The following PRKCQ variants were observed in gnomAD, a reference collection of about 807,000 sequenced individuals.
PRKCQ encodes the protein protein kinase C theta.
Under a neutral mutation model 91.2 loss-of-function variants are expected in PRKCQ, and 41 were observed. That is an observed-to-expected ratio of 0.45 (90% CI 0.35 to 0.58). The LOEUF (loss-of-function observed/expected upper bound fraction) is 0.58, where lower values mean the gene tolerates loss of function less well. Among genes scored for constraint, PRKCQ ranks in the 20% least tolerant of loss-of-function variants. The pLI is 0.00. For missense variants in PRKCQ, 673 were observed against 896.5 expected (o/e 0.75, Z 3.18); for synonymous variants, 307 against 316.9 (o/e 0.97, Z 0.33).
intron 11 of PRKCQ, among the ~76,000 whole-genome samples, chr10:6,481,152 G>T (rs1238316052): frequency 6.6e-6 from 1 of 152,178 alleles, no homozygotes; most frequent in Non-Finnish European, 1.5e-5. Flanking sequence ...AGACAGCTTT[G>T]GACATGGAGT....
chr10:6,445,916 G>A lies in PRKCQ; in HGVS notation c.1648-3835C>T, dbSNP rs1834262687. On this transcript the variant is annotated intron_variant, in intron 15 of 17. Coordinates refer to ENST00000263125, the MANE Select transcript of PRKCQ (RefSeq NM_006257.5). ...AAACGTCTCTGAACCACATATCTTT[G>A]TAAACAACTTCGTTTTGGCAGGACA... Among the ~76,000 whole-genome samples, 3 of 152,210 alleles carry A rather than the reference G, an allele frequency of 2.0e-5. No homozygotes were observed. In the East Asian group the frequency reaches 5.8e-4, roughly 29 times the overall value.
At chr10:6,569,929 A>G (rs997133093) in intron 1 of PRKCQ, among the ~76,000 whole-genome samples, 3 of 152,150 alleles carry the variant, frequency 2.0e-5, no homozygotes, top group African/African-American at 7.2e-5. Context: ...ACTGGGTCAC[A>G]GTCAGCGAGG....
intron 1 of PRKCQ, among the ~76,000 whole-genome samples, chr10:6,544,587 C>T (rs1001824655): frequency 1.8e-4 from 28 of 151,982 alleles, no homozygotes; most frequent in African/African-American, 6.3e-4. Context: ...TGTTTAACCT[C>T]CTCTCTCGCC....
intron 4 of PRKCQ, among the ~76,000 whole-genome samples, chr10:6,503,092 G>A (rs140143993): frequency 5.6e-4 from 86 of 152,314 alleles, no homozygotes; most frequent in Middle Eastern, 3.4e-3. Context: ...ACTATCCATG[G>A]CAAAGGGGAA....
the PRKCQ span, among the ~76,000 whole-genome samples, chr10:6,400,365 G>A: frequency 6.6e-6 from 1 of 152,228 alleles, no homozygotes; most frequent in Non-Finnish European, 1.5e-5. Context: ...TGGAAGACTT[G>A]GAAGACAGCA....
At chr10:6,565,572 T>G (rs1840810574) in intron 1 of PRKCQ, among the ~76,000 whole-genome samples, 1 of 152,210 alleles carries the variant, frequency 6.6e-6, no homozygotes. Flanking sequence ...GAAATTGCAT[T>G]TATTTTATTT....
intron 16 of PRKCQ, among the ~76,000 whole-genome samples, chr10:6,441,598 C>T (rs1381311992): frequency 6.6e-6 from 1 of 152,138 alleles, no homozygotes; most frequent in African/African-American, 2.4e-5. Context: ...ACACACTGTG[C>T]TTGTTTAATG....
chr10:6,464,186 T>G, intron 13 of PRKCQ, 127 bp downstream of exon 13: 1 of 797,330 alleles, frequency 1.3e-6, no homozygotes. Flanking sequence ...GTCGCCTTGC[T>G]CGATGTATTC....
intron 1 of PRKCQ, among the ~76,000 whole-genome samples, chr10:6,542,993 C>T (rs1839825824): frequency 1.3e-5 from 2 of 152,212 alleles, no homozygotes; most frequent in South Asian, 2.1e-4. Flanking sequence ...ACTGCCATCA[C>T]GTCCTTTCCC....
chr10:6,416,288 A>G, the PRKCQ span, among the ~76,000 whole-genome samples: 410 of 151,698 alleles, frequency 2.7e-3, 1 homozygote, highest in African/African-American at 9.5e-3. Flanking sequence ...TTTAGCGGTG[A>G]TTTCTGAGAT....
intron 1 of PRKCQ, among the ~76,000 whole-genome samples, chr10:6,558,597 A>G (rs1005733274): frequency 6.6e-6 from 1 of 152,208 alleles, no homozygotes; most frequent in Admixed American, 6.5e-5. Flanking sequence ...CTGAGAAGTG[A>G]CTTCGGTCCA....
chr10:6,508,489 T>C (rs770353776), intron 3 of PRKCQ, among the ~76,000 whole-genome samples: 20 of 152,250 alleles, frequency 1.3e-4, no homozygotes, highest in Non-Finnish European at 2.4e-4. Flanking sequence ...ACAGACATAA[T>C]AGCAATGCCT....
chr10:6,543,755 T>C (rs1223463812), intron 1 of PRKCQ, among the ~76,000 whole-genome samples: 3 of 152,178 alleles, frequency 2.0e-5, no homozygotes, highest in African/African-American at 4.8e-5. Flanking sequence ...AACCCCAGCC[T>C]GGGGACAAGG....
intron 1 of PRKCQ, among the ~76,000 whole-genome samples, chr10:6,556,936 A>G (rs1840444645): frequency 6.6e-6 from 1 of 152,152 alleles, no homozygotes. Flanking sequence ...GCTCTGGTTC[A>G]ACTTATCCCA....
intron 14 of PRKCQ, 89 bp from the exon 15 acceptor site, chr10:6,456,901 T>C (rs976558561): frequency 1.6e-5 from 23 of 1,415,082 alleles, no homozygotes; most frequent in Admixed American, 5.6e-5. Context: ...GTTTGTCTCA[T>C]TGCAGCCTGA....
chr10:6,551,869 G>C (rs1840198294), intron 1 of PRKCQ, among the ~76,000 whole-genome samples: 1 of 152,194 alleles, frequency 6.6e-6, no homozygotes, highest in African/African-American at 2.4e-5. Context: ...TGGTAGCTCT[G>C]TTTTTAGCTC....
At chr10:6,475,571 G>A (rs1836226714) in intron 12 of PRKCQ, among the ~76,000 whole-genome samples, 3 of 152,210 alleles carry the variant, frequency 2.0e-5, no homozygotes. Flanking sequence ...TTTGGAGGCA[G>A]AGAGCAGATG....
chr10:6,404,226 AGAGAGAGAGAAAGGGAGAGAAGGGGGGGG>A, the PRKCQ span, among the ~76,000 whole-genome samples: 1 of 115,018 alleles, frequency 8.7e-6, no homozygotes, highest in Non-Finnish European at 1.8e-5. Context: ...CTAGAGAGAG[AGAGAGAGAGAAAGGGAGAGAAGGGGGGGG>A]GAGAGAGAGA....
Position 6,430,401 on chromosome 10 carries a change from A to G in PRKCQ, c.1965+409T>C, listed in dbSNP as rs1833352502. Among the ~76,000 whole-genome samples, 1 of 152,188 alleles carries G rather than the reference A, an allele frequency of 6.6e-6. No individual in the cohort carries two copies. Among genetic ancestry groups the G allele is most frequent in the Non-Finnish European group, 1.5e-5 (1 of 68,036 alleles). ...ACAGATACTTTAATAAACATCATGGAAAAAACAGCTCCAAAATTCCTGACG... is the reference window on the plus strand; with the variant it reads ...ACAGATACTTTAATAAACATCATGGGAAAAACAGCTCCAAAATTCCTGACG... On this transcript the variant is annotated intron_variant, in intron 17 of 17. Coordinates refer to ENST00000263125, the MANE Select transcript of PRKCQ (RefSeq NM_006257.5). The surrounding 1 kb of genome is among the most constrained non-coding windows in gnomAD (Gnocchi z 4.7).
Sources: allele counts gnomAD v4.1 joint callset (sites outside exome capture counted in the v4.1 genomes callset), GRCh38; gene constraint gnomAD v4.1.1; non-coding constraint Gnocchi (gnomAD v3.1); transcripts MANE v1.5; gene names NCBI Gene and HGNC (gene_info 2026-07-23, HGNC 2026-07-21).